Variants in KCNJ6 observed in about 807,000 individuals in gnomAD.
KCNJ6 encodes the protein G protein-activated inward rectifier potassium channel 2.
A neutral mutation model predicts 34.2 loss-of-function variants in KCNJ6; 9 were observed. The ratio of observed to expected loss-of-function variants is 0.26; its 90% CI spans 0.16 to 0.46. KCNJ6 has a LOEUF of 0.46. KCNJ6 is among the 20% of genes least tolerant of loss of function. The pLI is 1.00. For synonymous variants in KCNJ6, 196 were observed against 207.1 expected, an observed-to-expected ratio of 0.95 and a Z score of 0.46; for missense variants, 236 against 531.3, an observed-to-expected ratio of 0.44 and a Z score of 5.46.
At chr21:37,837,018 T>C (rs533387299) in intron 2 of KCNJ6, among the ~76,000 whole-genome samples, 1 of 152,212 alleles carries the variant, frequency 6.6e-6, no homozygotes, top group East Asian at 1.9e-4. Context: ...TCTCCCTACC[T>C]CCTCTCCCTC....
chr21:37,702,660 G>A (rs1404874533), intron 3 of KCNJ6, among the ~76,000 whole-genome samples: 1 of 152,164 alleles, frequency 6.6e-6, no homozygotes. Context: ...GTGTCACATA[G>A]AAAAAGATGG....
intron 2 of KCNJ6, among the ~76,000 whole-genome samples, chr21:37,787,181 C>T (rs1477641461): frequency 2.6e-5 from 4 of 152,120 alleles, no homozygotes; most frequent in African/African-American, 9.7e-5. Context: ...TGACATCTCC[C>T]GTAGACTGTG....
chr21:37,893,651 C>G (rs116450827), intron 1 of KCNJ6, among the ~76,000 whole-genome samples: 4,465 of 146,726 alleles, frequency 0.03, 82 homozygotes, highest in Middle Eastern at 0.1. Flanking sequence ...TTTTTTTCCT[C>G]TGCCTTTCCT....
At chr21:37,646,704 T>C (rs1198827227) in intron 3 of KCNJ6, among the ~76,000 whole-genome samples, 2 of 137,652 alleles carry the variant, frequency 1.5e-5, no homozygotes, top group East Asian at 4.3e-4. Context: ...CGGAGTTGGC[T>C]CTGTCGCCCA....
At chr21:37,819,988 A>G (rs1228550028) in intron 2 of KCNJ6, among the ~76,000 whole-genome samples, 1 of 151,878 alleles carries the variant, frequency 6.6e-6, no homozygotes, top group Non-Finnish European at 1.5e-5. Context: ...GGGTTTCACC[A>G]TGTTGGTCAG....
chr21:37,752,131 G>A (rs1405495978), intron 2 of KCNJ6, among the ~76,000 whole-genome samples: 3 of 152,256 alleles, frequency 2.0e-5, no homozygotes, highest in South Asian at 2.1e-4. Flanking sequence ...TGGATCTGTC[G>A]TTCACCCAGT....
chr21:37,720,678 G>C (rs1168287291), intron 2 of KCNJ6, among the ~76,000 whole-genome samples: 1 of 150,502 alleles, frequency 6.6e-6, no homozygotes, highest in African/African-American at 2.4e-5. Flanking sequence ...CCAACCCACA[G>C]AATGGGAGAA....
At chr21:37,752,860 C>T (rs985449507) in intron 2 of KCNJ6, among the ~76,000 whole-genome samples, 2 of 152,156 alleles carry the variant, frequency 1.3e-5, no homozygotes, top group Non-Finnish European at 2.9e-5. Flanking sequence ...TGTGGGAAAC[C>T]AAGGGGTTCT....
At chr21:37,649,148 AAAAAAAG>A (rs1460448648) in intron 3 of KCNJ6, among the ~76,000 whole-genome samples, 2 of 150,182 alleles carry the variant, frequency 1.3e-5, no homozygotes, top group East Asian at 2.0e-4. Flanking sequence ...AAAAAAAAAA[AAAAAAAG>A]AAAGAAAAAG....
At chr21:37,629,681 A>G (rs1398232107) in intron 3 of KCNJ6, among the ~76,000 whole-genome samples, 1 of 152,190 alleles carries the variant, frequency 6.6e-6, no homozygotes, top group East Asian at 1.9e-4. Context: ...GACATCTACC[A>G]TCCAGCCTTG....
At chr21:37,655,217 GTGTGTGT>G (rs1569438890) in intron 3 of KCNJ6, among the ~76,000 whole-genome samples, 201 of 93,318 alleles carry the variant, frequency 2.2e-3, no homozygotes, top group African/African-American at 5.5e-3. Context: ...GTGTGTGTGT[GTGTGTGT>G]GAGAGAGAGA....
intron 2 of KCNJ6, among the ~76,000 whole-genome samples, chr21:37,840,385 C>A (rs970723927): frequency 6.6e-6 from 1 of 152,182 alleles, no homozygotes; most frequent in Non-Finnish European, 1.5e-5. Context: ...GAGTCCCAAT[C>A]CCCAATGCAG....
chr21:37,711,291 C>T (rs999314160), intron 3 of KCNJ6, among the ~76,000 whole-genome samples: 3 of 152,212 alleles, frequency 2.0e-5, no homozygotes, highest in Non-Finnish European at 4.4e-5. Context: ...GAAAACACCA[C>T]GCTGGGATCA....
In KCNJ6 at chr21:37,748,275, G is replaced by A. The variant is rs141737960; in HGVS notation, c.26-33144C>T. Among the ~76,000 whole-genome samples, 316 of 152,288 alleles carry A rather than the reference G, an allele frequency of 2.1e-3. 2 individuals are homozygous for A. Among genetic ancestry groups the A allele is most frequent in the African/African-American group, 7.3e-3 (303 of 41,556 alleles). On this transcript the variant is annotated intron_variant, in intron 2 of 3. Coordinates refer to ENST00000609713, the MANE Select transcript of KCNJ6 (RefSeq NM_002240.5). ...GATGTATCTTGCACCTGAGGGTGGT[G>A]AGCAGATTCACAGCTGCTCTGCTCA... is the stretch of plus-strand genomic sequence containing the variant.
At chr21:37,900,379 G>A (rs961878959) in intron 1 of KCNJ6, among the ~76,000 whole-genome samples, 12 of 152,188 alleles carry the variant, frequency 7.9e-5, no homozygotes, top group African/African-American at 2.4e-4. Context: ...TCTATGTTTC[G>A]TTGACCATAT....
intron 3 of KCNJ6, among the ~76,000 whole-genome samples, chr21:37,636,189 C>A (rs144143528): frequency 1.3e-5 from 2 of 152,288 alleles, no homozygotes; most frequent in African/African-American, 4.8e-5. Context: ...TGGTGCCCAC[C>A]CACACAGGTG....
At chr21:37,725,904 A>G (rs1235925545) in intron 2 of KCNJ6, among the ~76,000 whole-genome samples, 1 of 152,014 alleles carries the variant, frequency 6.6e-6, no homozygotes, top group Non-Finnish European at 1.5e-5. Context: ...GCATTTATTT[A>G]TTTGTTTTTT....
chr21:37,630,758 C>A (rs79555216), intron 3 of KCNJ6, among the ~76,000 whole-genome samples: 226 of 152,278 alleles, frequency 1.5e-3, no homozygotes, highest in African/African-American at 4.9e-3. Flanking sequence ...ATAGCCATTA[C>A]CTCACACACT....
At chr21:37,787,304 G>A (rs1304345501) in intron 2 of KCNJ6, among the ~76,000 whole-genome samples, 1 of 152,124 alleles carries the variant, frequency 6.6e-6, no homozygotes, top group Non-Finnish European at 1.5e-5. Context: ...TGGGGGTAGA[G>A]GGGGCTGAAT....
Sources: allele counts gnomAD v4.1 joint callset (sites outside exome capture counted in the v4.1 genomes callset), GRCh38; gene constraint gnomAD v4.1.1; transcripts MANE v1.5; gene names NCBI Gene and HGNC (gene_info 2026-07-23, HGNC 2026-07-21).